The following TRIB2 variants were observed in gnomAD, a reference collection of about 807,000 sequenced individuals.
The protein encoded by TRIB2 is tribbles pseudokinase 2, also known as tribbles homolog 2.
A neutral mutation model predicts 26.8 loss-of-function variants in TRIB2; 2 were observed. That is an observed-to-expected ratio of 0.07 (90% CI 0.03 to 0.24). The LOEUF is 0.24. Among genes scored for constraint, TRIB2 ranks in the 10% least tolerant of loss-of-function variants. The pLI is 1.00. For missense variants in TRIB2, 306 were observed against 449.0 expected, an observed-to-expected ratio of 0.68 and a Z score of 2.88; for synonymous variants, 189 against 187.3, an observed-to-expected ratio of 1.01 and a Z score of -0.08.
At position 12,717,719 on chromosome 2, in the gene TRIB2, A is replaced by G; in HGVS notation, c.-589A>G. The stretch of plus-strand genomic sequence containing the variant: ...CTGCCCTCTCCCGCACCCCCCCCTT[A>G]CACGCCCCCCACCCTTTCCACCAAA... On this transcript the variant is annotated 5_prime_UTR_variant, in exon 1 of 3. Transcript: ENST00000155926. This position sits in a 1 kb window ranked among gnomAD's most constrained non-coding sequence, Gnocchi z 4.8. The G allele has an allele frequency of 2.9e-6, 1 of 347,180 alleles. No individual in the cohort carries two copies. The allele number at this position is 347,180 out of a possible 1,614,324, so 21.5% of individuals were successfully genotyped here.
intron 2 of TRIB2, among the ~76,000 whole-genome samples, chr2:12,733,223 C>T (rs1252570162): frequency 2.0e-5 from 3 of 152,198 alleles, no homozygotes; most frequent in African/African-American, 7.2e-5. Context: ...TCAGTTTCTT[C>T]ATCCGGTAAA....
intron 2 of TRIB2, among the ~76,000 whole-genome samples, chr2:12,727,404 G>GT (rs750707779): frequency 2.6e-5 from 4 of 152,208 alleles, no homozygotes; most frequent in Non-Finnish European, 5.9e-5. Flanking sequence ...TCAGTGAAGA[G>GT]TGGCACCCTT....
chr2:12,728,505 G>A (rs1287876714), intron 2 of TRIB2, among the ~76,000 whole-genome samples: 1 of 152,220 alleles, frequency 6.6e-6, no homozygotes, highest in Admixed American at 6.5e-5. Context: ...AAGGCTTCCT[G>A]CCATCCCTCT....
intron 2 of TRIB2, among the ~76,000 whole-genome samples, chr2:12,725,623 C>T (rs923707593): frequency 3.3e-5 from 5 of 152,326 alleles, no homozygotes; most frequent in African/African-American, 9.6e-5. Flanking sequence ...TCTGACATTC[C>T]GTCTGGAAGT....
chr2:12,724,377 C>G (rs887543320), intron 2 of TRIB2, among the ~76,000 whole-genome samples: 3 of 152,130 alleles, frequency 2.0e-5, no homozygotes, highest in African/African-American at 4.8e-5. Context: ...CTCTCCCAGC[C>G]GATTTTGATT....
In TRIB2 at chr2:12,740,530, C is replaced by T. The variant is rs748546596; in HGVS notation, c.768C>T (p.Asp256=). The change falls in exon 3 of 3, where the codon GAC becomes GAT. Residue 256 remains aspartate, a synonymous_variant. Coordinates refer to ENST00000155926, the MANE Select transcript of TRIB2 (RefSeq NM_021643.4). The surrounding 1 kb of genome is among the most constrained non-coding windows in gnomAD (Gnocchi z 5.8). The part of the protein sequence containing the change: ...TMLVGRYPFH[D]IEPSSLFSKI... ...TGGTGGGGCGGTACCCTTTCCATGA[C>T]ATTGAACCCAGCTCCCTCTTCAGCA... The T allele has an allele frequency of 9.9e-6, 16 of 1,614,036 alleles. No individual in the cohort carries two copies. The highest frequency in any genetic ancestry group is 1.2e-5 in the Non-Finnish European group (14 of 1,180,022).
At chr2:12,724,660 C>A (rs1322012548) in intron 2 of TRIB2, 12 of 1,612,726 alleles carry the variant, frequency 7.4e-6, no homozygotes, top group Non-Finnish European at 1.0e-5. Context: ...GGAGATGTTT[C>A]CCCTGGTTTT....
At chr2:12,724,525 A>G in intron 2 of TRIB2, 1 of 1,516,832 alleles carries the variant, frequency 6.6e-7, no homozygotes, top group East Asian at 2.3e-5. Flanking sequence ...TCATATCTTG[A>G]TCTTTGCTTG....
In TRIB2 at chr2:12,732,500, G is replaced by T. The variant is rs996418002; in HGVS notation, c.564-7826G>T. 6.6e-6 allele frequency among the ~76,000 whole-genome samples: 1 copy of T among 152,130 alleles called. No individual in the cohort carries two copies. The highest frequency in any genetic ancestry group is 1.5e-5 in the Non-Finnish European group (1 of 68,024). On this transcript the variant is annotated intron_variant, in intron 2 of 2. Transcript: ENST00000155926. This position sits in a 1 kb window ranked among gnomAD's most constrained non-coding sequence, Gnocchi z 4.2. ...CACGATGCCCTGAGATGCTTCCCCC[G>T]TGGCTCACCTGTTGCTCTCCCTGCT...
intron 2 of TRIB2, among the ~76,000 whole-genome samples, chr2:12,723,940 T>G (rs993236049): frequency 7.9e-5 from 12 of 152,236 alleles, no homozygotes; most frequent in Non-Finnish European, 1.6e-4. Context: ...CATTCATCCA[T>G]GCACTCATTC....
intron 2 of TRIB2, among the ~76,000 whole-genome samples, chr2:12,736,477 A>G (rs1265692251): frequency 6.6e-6 from 1 of 152,112 alleles, no homozygotes; most frequent in Non-Finnish European, 1.5e-5. Context: ...CCACCCCCTT[A>G]TCACTATGGG....
intron 2 of TRIB2, among the ~76,000 whole-genome samples, chr2:12,728,950 C>A (rs1294259934): frequency 6.6e-6 from 1 of 152,210 alleles, no homozygotes; most frequent in Non-Finnish European, 1.5e-5. Context: ...GCATGGAAAC[C>A]CTGGAGACCA....
In TRIB2 at chr2:12,718,472, G is replaced by A; in HGVS notation, c.165G>A (p.Ser55=). ...GCCCGCCCGAGACTCCGAACTTGTC[G>A]CATTGCGTTTCTTGTATCGGGAAAT... is the stretch of plus-strand genomic sequence containing the variant. ...SPSPPETPNL[S]HCVSCIGKYL... The change falls in exon 1 of 3, where the codon TCG becomes TCA. Residue 55 remains serine (S), a synonymous_variant. Coordinates refer to ENST00000155926, the MANE Select transcript of TRIB2 (RefSeq NM_021643.4). This position sits in a 1 kb window ranked among gnomAD's most constrained non-coding sequence, Gnocchi z 4.0. 1.2e-6 allele frequency: 2 copies of A among 1,614,228 alleles called. No individual in the cohort carries two copies. The highest frequency in any genetic ancestry group is 1.7e-6 in the Non-Finnish European group (2 of 1,180,040).
intron 2 of TRIB2, among the ~76,000 whole-genome samples, chr2:12,726,112 GTGTC>G (rs1313461425): frequency 1.4e-4 from 22 of 152,342 alleles, no homozygotes; most frequent in African/African-American, 4.3e-4. Context: ...AACATGACAA[GTGTC>G]TGTCTGGGCA....
intron 2 of TRIB2, among the ~76,000 whole-genome samples, chr2:12,736,900 A>C (rs1661589603): frequency 6.6e-6 from 1 of 152,246 alleles, no homozygotes; most frequent in Non-Finnish European, 1.5e-5. Flanking sequence ...TAGGATGGAC[A>C]GGATCAAGTT....
chr2:12,733,906 C>T (rs1661513528), intron 2 of TRIB2, among the ~76,000 whole-genome samples: 1 of 152,106 alleles, frequency 6.6e-6, no homozygotes, highest in African/African-American at 2.4e-5. Context: ...TCGGGGCTTT[C>T]AGTGCCGACC....
Position 12,741,668 on chromosome 2 carries a change from A to C in TRIB2, c.*874A>C, listed in dbSNP as rs1661714468. The C allele has an allele frequency of 6.6e-6, 1 of 152,420 alleles. No individual in the cohort carries two copies. The highest frequency in any genetic ancestry group is 1.5e-5 in the Non-Finnish European group (1 of 68,050). 9.4% of individuals were successfully genotyped at this position (152,420 alleles called of 1,614,324 possible). A position where few individuals can be genotyped will look rare whatever the true frequency, so the allele number is the denominator to read the frequency against. On this transcript the variant is annotated 3_prime_UTR_variant, in exon 3 of 3. Transcript: ENST00000155926. The stretch of plus-strand genomic sequence containing the variant: ...CATTCCTCTTTGCTGAGATGATAGC[A>C]ATGGCCTGAGATTTTAGCAAGCTCC...
Position 12,741,843 on chromosome 2 carries a change from C to T in TRIB2, c.*1049C>T, listed in dbSNP as rs1026095681. ...TTTACAGAGAATGATCCTTTTAAGG[C>T]TTGTAAGGCCCTCTGGTTTGGACAA... is the stretch of plus-strand genomic sequence containing the variant. On this transcript the variant is annotated 3_prime_UTR_variant, in exon 3 of 3. Coordinates refer to ENST00000155926, the MANE Select transcript of TRIB2 (RefSeq NM_021643.4). 3 of 152,670 alleles carry T rather than the reference C, an allele frequency of 2.0e-5. No individual in the cohort carries two copies. The highest frequency in any genetic ancestry group is 4.4e-5 in the Non-Finnish European group (3 of 68,040). The allele number at this position is 152,670 out of a possible 1,614,324, so 9.5% of individuals were successfully genotyped here.
At position 12,720,595 on chromosome 2, in the gene TRIB2, T is replaced by C. The variant is rs575734924; in HGVS notation, c.270+2018T>C. Among the ~76,000 whole-genome samples, 3 of 152,372 alleles carry C rather than the reference T, an allele frequency of 2.0e-5. No individual in the cohort carries two copies. The East Asian group carries it at 5.8e-4, about 29-fold the overall frequency. The stretch of plus-strand genomic sequence containing the variant: ...TTTAAGGCTCAGTGAAATCTACACA[T>C]TGAATCTAGTTCCTTTTGATGTCTT... On this transcript the variant is annotated intron_variant, in intron 1 of 2. Transcript: ENST00000155926.
Sources: gnomAD v4.1 joint callset for allele counts (sites outside exome capture counted in the v4.1 genomes callset) on GRCh38, gnomAD v4.1.1 for gene constraint, Gnocchi (gnomAD v3.1) non-coding constraint, MANE v1.5 for transcripts, NCBI Gene and HGNC (gene_info 2026-07-23, HGNC 2026-07-21) for gene names.